ZSWIM5: variants seen among roughly 807,000 people sequenced by gnomAD.
The protein encoded by ZSWIM5 is zinc finger SWIM domain-containing protein 5.
A neutral mutation model predicts 119.6 loss-of-function variants in ZSWIM5; 55 were observed. That is an observed-to-expected ratio of 0.46 (90% CI 0.37 to 0.58). The LOEUF is 0.58. Among genes scored for constraint, ZSWIM5 ranks in the 20% least tolerant of loss-of-function variants. The probability of loss-of-function intolerance (pLI) is 0.00; values close to 1 mark genes in which losing one functional copy is unlikely to be tolerated. For synonymous variants in ZSWIM5, 537 were observed against 606.9 expected (o/e 0.88, Z 1.69); for missense variants, 1,193 against 1,512.8 (o/e 0.79, Z 3.51).
intron 1 of ZSWIM5, among the ~76,000 whole-genome samples, chr1:45,200,586 A>C (rs1646152608): frequency 6.6e-6 from 1 of 152,210 alleles, no homozygotes; most frequent in South Asian, 2.1e-4. Flanking sequence ...AAAAACCCAC[A>C]GTAATCTATT....
At chr1:45,067,534 C>A (rs12408831) in intron 2 of ZSWIM5, among the ~76,000 whole-genome samples, 7 of 151,704 alleles carry the variant, frequency 4.6e-5, no homozygotes, top group Non-Finnish European at 7.4e-5. Context: ...ACTGAGATTG[C>A]CTACAGAGAT....
Position 45,060,133 on chromosome 1 carries a change from C to CCA in ZSWIM5, c.1065_1066dup (p.Gly356ValfsTer20). On this transcript the variant is annotated frameshift_variant, in exon 3 of 14. Coordinates refer to ENST00000359600, the MANE Select transcript of ZSWIM5 (RefSeq NM_020883.2). LOFTEE classifies it high-confidence loss of function. Reference sequence around the variant, plus strand: ...CATTGAGTTGAGTTGCTTTCCAGAGCCACAGTAACCGCCCTGGGAGAGAAA... The same window carrying CCA: ...CATTGAGTTGAGTTGCTTTCCAGAGCCACACAGTAACCGCCCTGGGAGAGAAA... 6.2e-7 allele frequency: 1 copy of CCA among 1,614,198 alleles called. No homozygotes were observed.
chr1:45,048,068 TCC>T lies in ZSWIM5; in HGVS notation c.1432+3004_1432+3005del, dbSNP rs1342394741. On this transcript the variant is annotated intron_variant, in intron 5 of 13. Transcript: ENST00000359600. ...TTCTTTCTTTCTTTCTTTCTTTCTTTCCTTTTCTTTTCTCTTTTTTTTTTTTT... is the reference window on the plus strand; with the variant it reads ...TTCTTTCTTTCTTTCTTTCTTTCTTTTTTTCTTTTCTCTTTTTTTTTTTTT... Among the ~76,000 whole-genome samples, 295 of 35,134 alleles carry T rather than the reference TCC, an allele frequency of 8.4e-3. 8 individuals are homozygous for T. Among genetic ancestry groups the T allele is most frequent in the African/African-American group, 0.033 (277 of 8,450 alleles). The allele number at this position is 35,134 out of a possible 152,430, so 23.0% of individuals were successfully genotyped here.
intron 1 of ZSWIM5, among the ~76,000 whole-genome samples, chr1:45,111,115 C>A (rs963353428): frequency 2.6e-5 from 4 of 152,124 alleles, no homozygotes; most frequent in Admixed American, 2.0e-4. Flanking sequence ...TAGAACAAAG[C>A]AGGAACACTT....
At chr1:45,098,098 G>A (rs1416942044) in intron 1 of ZSWIM5, among the ~76,000 whole-genome samples, 1 of 151,662 alleles carries the variant, frequency 6.6e-6, no homozygotes, top group Admixed American at 6.6e-5. Context: ...GAGACAGACA[G>A]ACAGACAAAA....
chr1:45,110,879 C>T, intron 1 of ZSWIM5, among the ~76,000 whole-genome samples: 1 of 152,038 alleles, frequency 6.6e-6, no homozygotes, highest in Admixed American at 6.6e-5. Context: ...CTTTTAAGCT[C>T]AGGATGAATG....
chr1:45,061,036 A>T (rs1461712842), intron 2 of ZSWIM5, among the ~76,000 whole-genome samples: 3 of 152,164 alleles, frequency 2.0e-5, no homozygotes, highest in African/African-American at 7.2e-5. Flanking sequence ...GGGTGATATG[A>T]TTTTATAAAT....
intron 1 of ZSWIM5, among the ~76,000 whole-genome samples, chr1:45,101,859 G>A (rs1444980207): frequency 6.6e-6 from 1 of 152,098 alleles, no homozygotes. Context: ...CTGTACACAG[G>A]GCGGGGAACA....
intron 1 of ZSWIM5, among the ~76,000 whole-genome samples, chr1:45,178,517 T>C (rs1014623374): frequency 4.6e-5 from 7 of 152,186 alleles, no homozygotes; most frequent in African/African-American, 1.7e-4. Flanking sequence ...GATATGCCTA[T>C]AGATTTTTGG....
intron 1 of ZSWIM5, among the ~76,000 whole-genome samples, chr1:45,131,248 GT>G (rs1645654726): frequency 6.6e-6 from 1 of 152,090 alleles, no homozygotes; most frequent in African/African-American, 2.4e-5. Flanking sequence ...GGGAAATTAG[GT>G]AAAGGGCATT....
At chr1:45,049,984 C>G (rs1185730204) in intron 5 of ZSWIM5, among the ~76,000 whole-genome samples, 4 of 152,132 alleles carry the variant, frequency 2.6e-5, no homozygotes, top group African/African-American at 7.2e-5. Flanking sequence ...AATTATGGTA[C>G]AGAATAAGAC....
intron 1 of ZSWIM5, among the ~76,000 whole-genome samples, chr1:45,142,077 G>A (rs1645730936): frequency 6.6e-6 from 1 of 152,040 alleles, no homozygotes; most frequent in Non-Finnish European, 1.5e-5. Flanking sequence ...AGCCATGGTT[G>A]TGCATGTCTG....
At chr1:45,184,384 G>T (rs1646043286) in intron 1 of ZSWIM5, among the ~76,000 whole-genome samples, 1 of 152,188 alleles carries the variant, frequency 6.6e-6, no homozygotes, top group African/African-American at 2.4e-5. Context: ...ACACAGTGCT[G>T]GAAGTTCTGG....
chr1:45,022,207 T>C (rs1201719511), intron 11 of ZSWIM5, among the ~76,000 whole-genome samples: 1 of 151,176 alleles, frequency 6.6e-6, no homozygotes, highest in Non-Finnish European at 1.5e-5. Context: ...CTTGGCTCAC[T>C]GCAAGCTCCG....
intron 2 of ZSWIM5, 123 bp downstream of exon 2, chr1:45,087,758 A>G: frequency 1.4e-6 from 1 of 711,746 alleles, no homozygotes; most frequent in South Asian, 1.8e-5. Context: ...AGTGATTGCA[A>G]CTGCAGAAAT....
intron 1 of ZSWIM5, among the ~76,000 whole-genome samples, chr1:45,186,663 T>C (rs1008114030): frequency 1.5e-4 from 23 of 152,160 alleles, no homozygotes; most frequent in Non-Finnish European, 7.3e-5. Context: ...TAGAGTGCAG[T>C]GGCATGATCT....
At chr1:45,181,933 A>G (rs1043329387) in intron 1 of ZSWIM5, among the ~76,000 whole-genome samples, 7 of 152,332 alleles carry the variant, frequency 4.6e-5, no homozygotes, top group African/African-American at 1.7e-4. Flanking sequence ...TGAAGGAAGC[A>G]CTAAACATGG....
chr1:45,062,986 C>T (rs1192530778), intron 2 of ZSWIM5, among the ~76,000 whole-genome samples: 2 of 152,232 alleles, frequency 1.3e-5, no homozygotes, highest in South Asian at 2.1e-4. Flanking sequence ...TCTCTCCTCT[C>T]GAGGAGTTCC....
chr1:45,201,420 G>T (rs147670650), intron 1 of ZSWIM5, among the ~76,000 whole-genome samples: 2 of 151,884 alleles, frequency 1.3e-5, no homozygotes, highest in Non-Finnish European at 2.9e-5. Flanking sequence ...TATTTTCTAC[G>T]GTATCATATA....
Sources: allele counts gnomAD v4.1 joint callset (sites outside exome capture counted in the v4.1 genomes callset), GRCh38; gene constraint gnomAD v4.1.1; transcripts MANE v1.5; gene names NCBI Gene and HGNC (gene_info 2026-07-23, HGNC 2026-07-21).